The following SLC26A6 variants were observed in gnomAD, a reference collection of about 807,000 sequenced individuals.
SLC26A6 encodes the protein anion exchange transporter.
A neutral mutation model predicts 87.1 loss-of-function variants in SLC26A6; 67 were observed. The ratio of observed to expected loss-of-function variants is 0.77; its 90% confidence interval spans 0.63 to 0.94. SLC26A6 has a LOEUF of 0.94. Ranked by LOEUF, SLC26A6 falls within the 40% of genes least tolerant of loss-of-function variation. The pLI, the probability that SLC26A6 is intolerant of heterozygous loss-of-function variation, is 0.00. For synonymous variants in SLC26A6, 414 were observed against 405.9 expected (o/e 1.02, Z -0.24); for missense variants, 902 against 973.0 (o/e 0.93, Z 0.97).
At chr3:48,629,423 C>T (rs1466307289) in intron 14 of SLC26A6, among the ~76,000 whole-genome samples, 1 of 152,176 alleles carries the variant, frequency 6.6e-6, no homozygotes, top group African/African-American at 2.4e-5. Context: ...CACGACAGAC[C>T]CCTCCCCAGC....
intron 9 of SLC26A6, 77 bp from the exon 10 acceptor site, chr3:48,630,797 C>T: frequency 6.6e-7 from 1 of 1,506,308 alleles, no homozygotes; most frequent in Non-Finnish European, 9.1e-7. Flanking sequence ...TAGGCCTGTG[C>T]ATCCCCAATC....
intron 20 of SLC26A6, 64 bp from the exon 21 acceptor site, chr3:48,626,064 CT>C (rs1337955174): frequency 1.9e-6 from 3 of 1,612,876 alleles, no homozygotes; most frequent in Non-Finnish European, 1.7e-6. Flanking sequence ...ACCCCCGCCC[CT>C]AGAACAGCTT....
rs753903884 is a variant in SLC26A6 at position 48,629,998 on chromosome 3, G to A, written c.1423-20C>T. ...GATAAGCTGAGAACAGAGGGCAGCG[G>A]TTGGAGGGCGGCGAGGAGCCATGGG... On this transcript the variant is annotated intron_variant, in intron 12 of 20. Coordinates refer to ENST00000395550, the MANE Select transcript of SLC26A6 (RefSeq NM_022911.3). 14 of 1,614,026 alleles carry A rather than the reference G, an allele frequency of 8.7e-6. No individual in the cohort carries two copies. Among genetic ancestry groups the A allele is most frequent in the Non-Finnish European group, 1.2e-5 (14 of 1,180,010 alleles).
chr3:48,626,128 C>T, intron 20 of SLC26A6, 90 bp downstream of exon 20: 1 of 1,610,600 alleles, frequency 6.2e-7, no homozygotes, highest in Non-Finnish European at 8.5e-7. Flanking sequence ...GAGCCATGGC[C>T]ACCAGGAAAG....
rs543876264 is a variant in SLC26A6 at position 48,628,800 on chromosome 3, C to T, written c.1600-86G>A. ...TCCTGCCTTTCCTTCCCTAGTGTGCCCAGTGCCTGCCACCGCCCAGCCCTC... is the reference window on the plus strand; with the variant it reads ...TCCTGCCTTTCCTTCCCTAGTGTGCTCAGTGCCTGCCACCGCCCAGCCCTC... On this transcript the variant is annotated intron_variant, in intron 14 of 20. Coordinates refer to ENST00000395550, the MANE Select transcript of SLC26A6 (RefSeq NM_022911.3). The surrounding 1 kb of genome is among the most constrained non-coding windows in gnomAD (Gnocchi z 4.4). 201 of 1,461,204 alleles carry T rather than the reference C, an allele frequency of 1.4e-4. No homozygotes were observed. In the East Asian group the frequency reaches 4.4e-3, roughly 32 times the overall value. 90.5% of individuals were successfully genotyped at this position (1,461,204 alleles called of 1,614,324 possible).
At chr3:48,632,709 T>C (rs1297742464) in intron 4 of SLC26A6, 1 of 683,438 alleles carries the variant, frequency 1.5e-6, no homozygotes. Context: ...CTTAGGCTGC[T>C]CAGGCCTCTG....
At chr3:48,632,595 T>C (rs2046836394) in intron 4 of SLC26A6, 199 bp from the exon 5 acceptor site, 1 of 751,274 alleles carries the variant, frequency 1.3e-6, no homozygotes, top group Non-Finnish European at 2.3e-6. Flanking sequence ...CCCTTAAGCA[T>C]GGCTAGAAAT....
rs769714508 is a variant in SLC26A6, at chr3:48,630,993, C to T, written c.1134G>A (p.Gln378=). The T allele has an allele frequency of 5.6e-6, 9 of 1,613,626 alleles. No homozygotes were observed. The change falls in exon 9 of 21, where the codon CAG becomes CAA. Residue 378 remains glutamine, a splice_region_variant and synonymous_variant. Transcript: ENST00000395550. ...CCTACACATCCCGCATCACCCAGAC[C>T]TGGTTGCTGTCCACCCGGTAGCCGT... is the stretch of plus-strand genomic sequence containing the variant. ...LRHGYRVDSN[Q]ELVALGLSNL...
At position 48,625,936 on chromosome 3, in the gene SLC26A6, A is replaced by G. The variant is rs1190948394; in HGVS notation, c.*50T>C. The G allele has an allele frequency of 1.9e-6, 3 of 1,612,848 alleles. No homozygotes were observed. Among genetic ancestry groups the G allele is most frequent in the Non-Finnish European group, 2.5e-6 (3 of 1,179,652 alleles). On this transcript the variant is annotated 3_prime_UTR_variant, in exon 21 of 21. Transcript: ENST00000395550. This position sits in a 1 kb window ranked among gnomAD's most constrained non-coding sequence, Gnocchi z 4.7. Reference sequence around the variant, plus strand: ...CGGCCTAGGGGTGAGGGGCTTCTCAAGGGTGCCCTGCACCTCCAGAGGTGC... The same window carrying G: ...CGGCCTAGGGGTGAGGGGCTTCTCAGGGGTGCCCTGCACCTCCAGAGGTGC...
At chr3:48,632,174 G>C (rs1033925169) in intron 5 of SLC26A6, 71 bp downstream of exon 5, 3 of 1,576,486 alleles carry the variant, frequency 1.9e-6, no homozygotes, top group Admixed American at 3.5e-5. Flanking sequence ...AGACACTCAG[G>C]GGAGTACAGA....
intron 7 of SLC26A6, 50 bp from the exon 8 acceptor site, chr3:48,631,356 G>A (rs1485285520): frequency 2.0e-6 from 3 of 1,498,418 alleles, no homozygotes; most frequent in Non-Finnish European, 2.7e-6. Context: ...CCATGGTCAG[G>A]GGGACACATA....
chr3:48,625,997 T>G lies in SLC26A6; in HGVS notation c.2269A>C (p.Thr757Pro), dbSNP rs1427534727. 2 of 1,613,680 alleles carry G rather than the reference T, an allele frequency of 1.2e-6. No individual in the cohort carries two copies. Among genetic ancestry groups the G allele is most frequent in the Non-Finnish European group, 1.7e-6 (2 of 1,179,918 alleles). ...RPVPDSPVSV[T>P]RL ...AGGATGTAGCATGTTCAGAGTCTGG[T>G]GACCTGAGCAGGCAGAGGAGGGGAG... Residue 757 changes from threonine to proline, a missense_variant, in exon 21 of 21, where the codon ACC becomes CCC. Physicochemically the swap from Thr to Pro is conservative, Grantham distance 38. Coordinates refer to ENST00000395550, the MANE Select transcript of SLC26A6 (RefSeq NM_022911.3). This position sits in a 1 kb window ranked among gnomAD's most constrained non-coding sequence, Gnocchi z 4.7.
At position 48,628,223 on chromosome 3, in the gene SLC26A6, G is replaced by C; in HGVS notation, c.1801-185C>G. ...CGTGAAAGGGAAGAGGACTGTGACG[G>C]TTCTCACTGTCACTGGTTCAGATGA... On this transcript the variant is annotated intron_variant, in intron 16 of 20. Coordinates refer to ENST00000395550, the MANE Select transcript of SLC26A6 (RefSeq NM_022911.3). This position sits in a 1 kb window ranked among gnomAD's most constrained non-coding sequence, Gnocchi z 4.4. 1.3e-6 allele frequency: 1 copy of C among 762,338 alleles called. No homozygotes were observed. Among genetic ancestry groups the C allele is most frequent in the South Asian group, 1.8e-5 (1 of 55,324 alleles). 47.2% of individuals were successfully genotyped at this position (762,338 alleles called of 1,614,324 possible).
chr3:48,629,840 C>T (rs1044465239), intron 13 of SLC26A6, 32 bp downstream of exon 13: 1 of 1,613,774 alleles, frequency 6.2e-7, no homozygotes, highest in Non-Finnish European at 8.5e-7. Context: ...CTCTCACTAG[C>T]TGGAATGAGG....
chr3:48,627,003 T>A lies in SLC26A6; in HGVS notation c.1946A>T (p.Asp649Val), dbSNP rs376236607. 6 of 1,613,778 alleles carry A rather than the reference T, an allele frequency of 3.7e-6. No homozygotes were observed. In the African/African-American group the frequency reaches 5.3e-5, roughly 14 times the overall value. ...TGTGGACCCATCTGGGGCCTTGGAG[T>A]CTTCTTGACCATTGGCTGTTGCATC... ...MEDATANGQE[D>V]SKAPDGSTLK... The change falls in exon 18 of 21, where the codon GAC (aspartate) becomes GTC (valine). Residue 649 changes from aspartate (D) to valine (V), a missense_variant. Physicochemically the swap from Asp to Val is radical, Grantham distance 152 (BLOSUM62 -3). Coordinates refer to ENST00000395550, the MANE Select transcript of SLC26A6 (RefSeq NM_022911.3).
intron 7 of SLC26A6, 123 bp from the exon 8 acceptor site, chr3:48,631,429 ACG>A (rs2046788455): frequency 8.3e-7 from 1 of 1,202,856 alleles, no homozygotes; most frequent in African/African-American, 1.5e-5. Flanking sequence ...GGAAAAAGTC[ACG>A]TAGGGTGAGA....
intron 20 of SLC26A6, 57 bp from the exon 21 acceptor site, chr3:48,626,057 C>A: frequency 6.2e-7 from 1 of 1,613,124 alleles, no homozygotes; most frequent in Non-Finnish European, 8.5e-7. Flanking sequence ...CAGACCAACC[C>A]CCGCCCCTAG....
rs759628168 is a variant in SLC26A6, at chr3:48,632,394, T to C, written c.436A>G (p.Thr146Ala). The change falls in exon 5 of 21, where the codon ACC (threonine) becomes GCC (alanine). Residue 146 changes from threonine to alanine, a missense_variant and splice_region_variant. This residue lies in a region of SLC26A6 where 800 missense variants were observed against 856.8 expected (regional missense o/e 0.93). Transcript: ENST00000395550. ...ACCATCACAGACATGACAGCAAAGG[T>C]CCCTGTAAGGACGGCACGGGGCAGG... ...FGTSRHISVG[T>A]FAVMSVMVGS... 1.6e-5 allele frequency: 25 copies of C among 1,605,380 alleles called. No homozygotes were observed. Among genetic ancestry groups the C allele is most frequent in the Middle Eastern group, 1.7e-4 (1 of 6,042 alleles).
Position 48,628,465 on chromosome 3 carries a change from T to TGCTTCA in SLC26A6, c.1763_1768dup (p.Leu588_Lys589dup), listed in dbSNP as rs1335460506. The TGCTTCA allele has an allele frequency of 1.2e-6, 2 of 1,614,116 alleles. No individual in the cohort carries two copies. The highest frequency in any genetic ancestry group is 1.7e-6 in the Non-Finnish European group (2 of 1,179,992). On this transcript the variant is annotated inframe_insertion, in exon 16 of 21. Coordinates refer to ENST00000395550, the MANE Select transcript of SLC26A6 (RefSeq NM_022911.3). The surrounding 1 kb of genome is among the most constrained non-coding windows in gnomAD (Gnocchi z 4.4). The stretch of plus-strand genomic sequence containing the variant: ...CCGAAGCTTCTCCTCTTTCTGCAGT[T>TGCTTCA]GCTTCAGCTTCAGCTGCTCCTGCTT...
Sources: allele counts gnomAD v4.1 joint callset (sites outside exome capture counted in the v4.1 genomes callset), GRCh38; gene constraint gnomAD v4.1.1; regional missense constraint gnomAD v4.1.1; non-coding constraint Gnocchi (gnomAD v3.1); transcripts MANE v1.5; gene names NCBI Gene and HGNC (gene_info 2026-07-23, HGNC 2026-07-21).